The following FBLN5 variants were observed in gnomAD, a reference collection of about 807,000 sequenced individuals.
FBLN5 encodes fibulin-5.
A neutral mutation model predicts 61.6 loss-of-function variants in FBLN5; 24 were observed. The ratio of observed to expected loss-of-function variants is 0.39; its 90% CI spans 0.28 to 0.55. FBLN5 has a LOEUF of 0.55. FBLN5 is among the 20% of genes least tolerant of loss of function. The probability of loss-of-function intolerance (pLI) is 0.65; values close to 1 mark genes in which losing one functional copy is unlikely to be tolerated. For missense variants in FBLN5, 470 were observed against 594.1 expected (o/e 0.79, Z 2.17); for synonymous variants, 213 against 219.8 (o/e 0.97, Z 0.27).
chr14:91,945,764 A>C (rs535439580), intron 1 of FBLN5, among the ~76,000 whole-genome samples: 14 of 152,296 alleles, frequency 9.2e-5, no homozygotes, highest in Admixed American at 3.9e-4. Flanking sequence ...GAGAGTCCAC[A>C]AGTTTTCATG....
At chr14:91,907,887 A>G (rs937393513) in intron 4 of FBLN5, among the ~76,000 whole-genome samples, 1 of 152,142 alleles carries the variant, frequency 6.6e-6, no homozygotes, top group Non-Finnish European at 1.5e-5. Flanking sequence ...CAGCAAAAAA[A>G]CTGGCAATAA....
intron 2 of FBLN5, among the ~76,000 whole-genome samples, chr14:91,942,580 C>T (rs1259359629): frequency 2.0e-5 from 3 of 152,244 alleles, no homozygotes; most frequent in Admixed American, 1.3e-4. Flanking sequence ...CAGCAAACCA[C>T]CATGGCCCAC....
intron 5 of FBLN5, 109 bp downstream of exon 5, chr14:91,894,841 C>A: frequency 5.3e-5 from 30 of 563,062 alleles, no homozygotes; most frequent in South Asian, 1.8e-4. Context: ...CCCTCCCTAG[C>A]AAAGAAAAGC....
intron 3 of FBLN5, among the ~76,000 whole-genome samples, chr14:91,939,476 G>A (rs1408074404): frequency 6.6e-6 from 1 of 151,772 alleles, no homozygotes; most frequent in African/African-American, 2.4e-5. Context: ...AGTAGCTGGG[G>A]CTACAAGCAC....
At chr14:91,886,613 C>T (rs961847475) in intron 7 of FBLN5, among the ~76,000 whole-genome samples, 1 of 152,184 alleles carries the variant, frequency 6.6e-6, no homozygotes, top group Non-Finnish European at 1.5e-5. Context: ...ATTACGATTT[C>T]ATTCATTCAA....
intron 8 of FBLN5, 71 bp from the exon 9 acceptor site, chr14:91,881,489 A>C: frequency 3.2e-6 from 5 of 1,561,560 alleles, no homozygotes; most frequent in Non-Finnish European, 4.4e-6. Flanking sequence ...GGGGTGGGGT[A>C]GGCTGGATCT....
At chr14:91,914,038 C>A (rs1330799511) in intron 4 of FBLN5, among the ~76,000 whole-genome samples, 1 of 152,134 alleles carries the variant, frequency 6.6e-6, no homozygotes, top group African/African-American at 2.4e-5. Context: ...AGCTAAGCAA[C>A]CAGCTTAAGA....
rs781210551 is a variant in FBLN5 at position 91,877,622 on chromosome 14, G to A, written c.1050C>T (p.Tyr350=). Residue 350 remains tyrosine, a synonymous_variant, in exon 10 of 11, where the codon TAC becomes TAT. Transcript: ENST00000342058. The part of the protein sequence containing the change: ...GCRDQPFTIL[Y]RDMDVVSGRS... The stretch of plus-strand genomic sequence containing the variant: ...GTCCTGACACCACGTCCATGTCCCG[G>A]TACAAGATGGTAAAGGGCTGGTCTC... 3 of 1,614,080 alleles carry A rather than the reference G, an allele frequency of 1.9e-6. No individual in the cohort carries two copies. Among genetic ancestry groups the A allele is most frequent in the Admixed American group, 1.7e-5 (1 of 60,016 alleles).
intron 4 of FBLN5, among the ~76,000 whole-genome samples, chr14:91,935,153 TGA>T: frequency 6.6e-6 from 1 of 152,332 alleles, no homozygotes; most frequent in South Asian, 2.1e-4. Context: ...ATCTCCCGTG[TGA>T]CAGGTTCAGA....
At chr14:91,913,038 C>T (rs141637258) in intron 4 of FBLN5, among the ~76,000 whole-genome samples, 5 of 152,186 alleles carry the variant, frequency 3.3e-5, no homozygotes, top group East Asian at 3.9e-4. Flanking sequence ...AGAATGGATT[C>T]GTATTTTTCA....
At chr14:91,885,257 T>A (rs1349158477) in intron 7 of FBLN5, among the ~76,000 whole-genome samples, 2 of 152,212 alleles carry the variant, frequency 1.3e-5, no homozygotes, top group Non-Finnish European at 2.9e-5. Flanking sequence ...GGAGGACAAG[T>A]TGGCCATTTG....
At chr14:91,898,773 G>GCTCA (rs1441474554) in intron 4 of FBLN5, among the ~76,000 whole-genome samples, 1 of 145,768 alleles carries the variant, frequency 6.9e-6, no homozygotes, top group Non-Finnish European at 1.5e-5. Context: ...TCATTCACTT[G>GCTCA]CTCACTCATT....
chr14:91,889,273 C>G (rs1240867843), intron 6 of FBLN5, among the ~76,000 whole-genome samples: 1 of 152,240 alleles, frequency 6.6e-6, no homozygotes, highest in East Asian at 1.9e-4. Context: ...GCCTCAGCCT[C>G]TGGCCAGGCG....
intron 9 of FBLN5, 173 bp from the exon 10 acceptor site, chr14:91,877,855 G>A: frequency 1.5e-6 from 1 of 679,822 alleles, no homozygotes; most frequent in South Asian, 1.5e-5. Flanking sequence ...CCAGCATGTA[G>A]GCGAGCTCTG....
chr14:91,895,296 C>T (rs374920245), intron 4 of FBLN5, among the ~76,000 whole-genome samples: 62 of 152,294 alleles, frequency 4.1e-4, no homozygotes, highest in African/African-American at 1.4e-3. Context: ...GGGAAATGGC[C>T]AAGAAGGGAA....
chr14:91,880,502 G>C (rs1046039011), intron 9 of FBLN5, among the ~76,000 whole-genome samples: 1 of 150,898 alleles, frequency 6.6e-6, no homozygotes, highest in African/African-American at 2.4e-5. Flanking sequence ...CGGAGTGATA[G>C]AGAACTCTGT....
At chr14:91,879,913 T>A (rs1889341764) in intron 9 of FBLN5, among the ~76,000 whole-genome samples, 1 of 152,104 alleles carries the variant, frequency 6.6e-6, no homozygotes, top group Admixed American at 6.5e-5. Context: ...GAAGTCGATG[T>A]GTGAACATTT....
In FBLN5 at chr14:91,936,995, G is replaced by T. The variant is rs1288316576; in HGVS notation, c.331C>A (p.Leu111Ile). ...APNYPTISRP[L>I]ICRFGYQMDE... The stretch of plus-strand genomic sequence containing the variant: ...ATCTGGTATCCAAAGCGGCATATAA[G>T]AGGCCTGGAGATCGTGGGATAGTTT... Residue 111 changes from leucine (L) to isoleucine (I), a missense_variant, in exon 4 of 11, where the codon CTT becomes ATT. Transcript: ENST00000342058. 6 of 1,614,068 alleles carry T rather than the reference G, an allele frequency of 3.7e-6. No homozygotes were observed. The highest frequency in any genetic ancestry group is 5.1e-6 in the Non-Finnish European group (6 of 1,180,044).
intron 7 of FBLN5, among the ~76,000 whole-genome samples, chr14:91,883,360 C>T (rs1889565910): frequency 6.6e-6 from 1 of 152,174 alleles, no homozygotes; most frequent in South Asian, 2.1e-4. Flanking sequence ...CACTCGGCTG[C>T]ACCTTCCATT....
Sources: allele counts gnomAD v4.1 joint callset (sites outside exome capture counted in the v4.1 genomes callset), GRCh38; gene constraint gnomAD v4.1.1; transcripts MANE v1.5; gene names NCBI Gene and HGNC (gene_info 2026-07-23, HGNC 2026-07-21).